The following RIN3 variants were observed in gnomAD, a reference collection of about 807,000 sequenced individuals.
RIN3 encodes Ras and Rab interactor 3, also known as RAB5 interacting protein 3.
Under a neutral mutation model 76.3 loss-of-function variants are expected in RIN3, and 54 were observed. The observed-to-expected ratio is 0.71, with a 90% CI of 0.57 to 0.89. The LOEUF (loss-of-function observed/expected upper bound fraction) is 0.89. RIN3 is among the 40% of genes least tolerant of loss of function. The pLI is 0.00. For missense variants in RIN3, 1,256 were observed against 1,322.1 expected (o/e 0.95, Z 0.78); for synonymous variants, 576 against 564.0 (o/e 1.02, Z -0.30).
At chr14:92,633,034 A>G (rs1472445537) in intron 4 of RIN3, among the ~76,000 whole-genome samples, 1 of 152,092 alleles carries the variant, frequency 6.6e-6, no homozygotes, top group East Asian at 1.9e-4. Flanking sequence ...GATTGGAGGA[A>G]GGGGAGAGCA....
chr14:92,563,299 T>A (rs1281710664), intron 2 of RIN3, among the ~76,000 whole-genome samples: 1 of 152,098 alleles, frequency 6.6e-6, no homozygotes, highest in Non-Finnish European at 1.5e-5. Context: ...AGGCAGAAGT[T>A]GCAGTGAGAA....
In RIN3 at chr14:92,688,183, G is replaced by GGACGGTGGT. The variant is rs1555394843; in HGVS notation, c.2891_2899dup (p.Asp964_Gly966dup). The GGACGGTGGT allele has an allele frequency of 6.4e-7, 1 of 1,555,328 alleles. No homozygotes were observed. Among genetic ancestry groups the GGACGGTGGT allele is most frequent in the Admixed American group, 1.8e-5 (1 of 55,186 alleles). ...ACTTCCACTTTGTCTACCGGCCCCT[G>GGACGGTGGT]GACGGTGGTGGCGGCGGCGGCGGCG... On this transcript the variant is annotated inframe_insertion, in exon 10 of 10. Transcript: ENST00000216487.
intron 3 of RIN3, among the ~76,000 whole-genome samples, chr14:92,598,492 A>G (rs1885230766): frequency 6.6e-6 from 1 of 152,246 alleles, no homozygotes; most frequent in South Asian, 2.1e-4. Flanking sequence ...AATTTTGCAA[A>G]TGATTTGTTA....
chr14:92,570,906 A>G (rs183735230), intron 2 of RIN3, among the ~76,000 whole-genome samples: 157 of 152,334 alleles, frequency 1.0e-3, no homozygotes, highest in Non-Finnish European at 1.9e-3. Context: ...ACCTAGGAAG[A>G]TTACTTTATT....
intron 1 of RIN3, among the ~76,000 whole-genome samples, chr14:92,530,625 C>T (rs186661479): frequency 6.6e-6 from 1 of 151,724 alleles, no homozygotes; most frequent in Admixed American, 6.6e-5. Context: ...TTAGCAATAG[C>T]AGAGCTGTGG....
At chr14:92,610,328 T>C (rs190978731) in intron 3 of RIN3, among the ~76,000 whole-genome samples, 13 of 152,192 alleles carry the variant, frequency 8.5e-5, no homozygotes, top group Non-Finnish European at 1.8e-4. Context: ...CATCCCCCTA[T>C]CTCCCCCTAC....
At chr14:92,545,105 T>TG (rs1424064702) in intron 1 of RIN3, among the ~76,000 whole-genome samples, 8 of 110,660 alleles carry the variant, frequency 7.2e-5, no homozygotes, top group East Asian at 2.8e-4. Flanking sequence ...AACTTTCTGG[T>TG]GTTTTTTTTT....
chr14:92,668,790 T>G (rs2140161198), intron 7 of RIN3, among the ~76,000 whole-genome samples: 1 of 152,264 alleles, frequency 6.6e-6, no homozygotes, highest in South Asian at 2.1e-4. Flanking sequence ...GGGACATAGT[T>G]GAAAGGAGAT....
chr14:92,593,835 A>G (rs1885066341), intron 3 of RIN3, among the ~76,000 whole-genome samples: 1 of 152,214 alleles, frequency 6.6e-6, no homozygotes. Context: ...TGTGTGCCTA[A>G]CAACAGAACA....
chr14:92,576,149 G>T (rs1898221406), intron 2 of RIN3: 1 of 1,112,766 alleles, frequency 9.0e-7, no homozygotes, highest in African/African-American at 1.6e-5. Flanking sequence ...TGGGGAAGCT[G>T]TGCCACAGGA....
intron 3 of RIN3, among the ~76,000 whole-genome samples, chr14:92,611,321 C>G (rs1472030093): frequency 6.6e-6 from 1 of 152,120 alleles, no homozygotes; most frequent in Non-Finnish European, 1.5e-5. Context: ...GAGTCTCGCT[C>G]TATCCCCCAG....
At chr14:92,574,524 T>C (rs1898158571) in intron 2 of RIN3, among the ~76,000 whole-genome samples, 1 of 152,224 alleles carries the variant, frequency 6.6e-6, no homozygotes, top group South Asian at 2.1e-4. Flanking sequence ...CTTGCTTGTC[T>C]ATGTTTGCCG....
chr14:92,664,719 G>C (rs1043122525), intron 7 of RIN3, among the ~76,000 whole-genome samples: 4 of 152,068 alleles, frequency 2.6e-5, no homozygotes, highest in Admixed American at 2.0e-4. Context: ...TGTCTGAATA[G>C]CGTAAGGGTA....
chr14:92,659,770 G>A (rs552496475), intron 7 of RIN3, among the ~76,000 whole-genome samples: 3 of 152,326 alleles, frequency 2.0e-5, no homozygotes, highest in East Asian at 1.9e-4. Flanking sequence ...CTGCTGAAAC[G>A]ATACCACAAG....
intron 1 of RIN3, among the ~76,000 whole-genome samples, chr14:92,521,917 T>TA (rs1896607244): frequency 6.6e-6 from 1 of 152,176 alleles, no homozygotes; most frequent in Non-Finnish European, 1.5e-5. Flanking sequence ...TCTTGAAAGA[T>TA]ACGTAGGATT....
At chr14:92,671,978 G>A (rs1056070259) in intron 7 of RIN3, among the ~76,000 whole-genome samples, 3 of 152,240 alleles carry the variant, frequency 2.0e-5, no homozygotes, top group Admixed American at 6.5e-5. Flanking sequence ...GGCATCCATG[G>A]TGCCAGTGTT....
intron 1 of RIN3, among the ~76,000 whole-genome samples, chr14:92,536,724 G>A (rs1270751318): frequency 7.3e-6 from 1 of 136,994 alleles, no homozygotes; most frequent in Non-Finnish European, 1.5e-5. Context: ...CCTGGTGACA[G>A]AGCAAGACTC....
chr14:92,521,254 C>T (rs1437198294), intron 1 of RIN3, among the ~76,000 whole-genome samples: 1 of 147,410 alleles, frequency 6.8e-6, no homozygotes, highest in Admixed American at 7.2e-5. Context: ...TCCATCCATG[C>T]ATCCATCCAT....
chr14:92,626,337 A>G lies in RIN3; in HGVS notation c.440+10858A>G, dbSNP rs115599774. ...TTCCCCTGAGAAGAGGATACCCAGG[A>G]TGGACATTAATTCGACCCAGGTATA... On this transcript the variant is annotated intron_variant, in intron 4 of 9. Transcript: ENST00000216487. Among the ~76,000 whole-genome samples the G allele has an allele frequency of 3.6e-3, 543 of 152,280 alleles. 4 individuals are homozygous for G. Among genetic ancestry groups the G allele is most frequent in the African/African-American group, 0.012 (518 of 41,534 alleles).
Sources: allele counts gnomAD v4.1 joint callset (sites outside exome capture counted in the v4.1 genomes callset), GRCh38; gene constraint gnomAD v4.1.1; transcripts MANE v1.5; gene names NCBI Gene and HGNC (gene_info 2026-07-23, HGNC 2026-07-21).